Variants in ADAM22 observed in about 807,000 individuals in gnomAD.
ADAM22 encodes disintegrin and metalloproteinase domain-containing protein 22.
A neutral mutation model predicts 144.6 loss-of-function variants in ADAM22; 65 were observed. That is an observed-to-expected ratio of 0.45 (90% CI 0.37 to 0.55). The LOEUF (loss-of-function observed/expected upper bound fraction) is 0.55, where lower values mean the gene tolerates loss of function less well. Ranked by LOEUF, ADAM22 falls within the 20% of genes least tolerant of loss-of-function variation. ADAM22 has a pLI of 0.00. For missense variants in ADAM22, 974 were observed against 1,184.9 expected (o/e 0.82, Z 2.61); for synonymous variants, 391 against 412.6 (o/e 0.95, Z 0.63).
At position 87,985,327 on chromosome 7, in the gene ADAM22, A is replaced by G. The variant is rs192818731; in HGVS notation, c.323+6915A>G. Among the ~76,000 whole-genome samples, 26 of 151,970 alleles carry G rather than the reference A, an allele frequency of 1.7e-4. No homozygotes were observed. In the East Asian group the frequency reaches 4.6e-3, roughly 27 times the overall value. ...GACTCCATCTCAAAAAAAAAAAAAGAATTTATTTTATATTTCATAAAAGTC... is the reference window on the plus strand; with the variant it reads ...GACTCCATCTCAAAAAAAAAAAAAGGATTTATTTTATATTTCATAAAAGTC... On this transcript the variant is annotated intron_variant, in intron 3 of 31. Transcript: ENST00000413139.
In ADAM22 at chr7:88,131,396, A is replaced by G; in HGVS notation, c.953A>G (p.Asp318Gly). The G allele has an allele frequency of 6.2e-7, 1 of 1,613,824 alleles. No homozygotes were observed. The highest frequency in any genetic ancestry group is 8.5e-7 in the Non-Finnish European group (1 of 1,179,820). ...TLREFMKYRRDFIKEKSDAVH... is the reference protein window; with the variant it reads ...TLREFMKYRRGFIKEKSDAVH... Reference sequence around the variant, plus strand: ...CGTGAGTTTATGAAATACAGGAGGGATTTTATCAAAGAGAAAAGTGATGCA... The same window carrying G: ...CGTGAGTTTATGAAATACAGGAGGGGTTTTATCAAAGAGAAAAGTGATGCA... The change falls in exon 11 of 32, where the codon GAT (aspartate) becomes GGT (glycine). Residue 318 changes from aspartate to glycine, a missense_variant. Physicochemically the swap from Asp to Gly is moderately conservative, Grantham distance 94. Coordinates refer to ENST00000413139, the MANE Select transcript of ADAM22 (RefSeq NM_001324418.2).
At chr7:88,127,318 C>G (rs974614438) in intron 8 of ADAM22, among the ~76,000 whole-genome samples, 1 of 151,996 alleles carries the variant, frequency 6.6e-6, no homozygotes, top group Non-Finnish European at 1.5e-5. Flanking sequence ...TCTGAGAAAG[C>G]CATGGACCCA....
At chr7:88,168,614 T>G (rs564752370) in intron 25 of ADAM22, among the ~76,000 whole-genome samples, 1 of 152,324 alleles carries the variant, frequency 6.6e-6, no homozygotes, top group African/African-American at 2.4e-5. Flanking sequence ...AATTTTCTTT[T>G]CATGATTTAT....
At chr7:87,953,143 T>A (rs200491994) in intron 2 of ADAM22, among the ~76,000 whole-genome samples, 1 of 152,086 alleles carries the variant, frequency 6.6e-6, no homozygotes, top group African/African-American at 2.4e-5. Context: ...CTATTTCCTT[T>A]AGTTCTGCTC....
chr7:88,156,474 C>T (rs1055637789), intron 22 of ADAM22, among the ~76,000 whole-genome samples: 2 of 152,028 alleles, frequency 1.3e-5, no homozygotes, highest in African/African-American at 2.4e-5. Context: ...TGGCACATGA[C>T]TTATCAAAGC....
intron 3 of ADAM22, among the ~76,000 whole-genome samples, chr7:87,991,127 A>G (rs1789735226): frequency 6.6e-6 from 1 of 152,090 alleles, no homozygotes; most frequent in South Asian, 2.1e-4. Flanking sequence ...ACATGACCCT[A>G]TTAATCTTTA....
At chr7:87,968,865 G>A (rs1451527881) in intron 2 of ADAM22, among the ~76,000 whole-genome samples, 1 of 152,186 alleles carries the variant, frequency 6.6e-6, no homozygotes, top group Non-Finnish European at 1.5e-5. Flanking sequence ...TGCTTCTGGG[G>A]AGACCTCAGG....
intron 17 of ADAM22, among the ~76,000 whole-genome samples, chr7:88,147,001 T>G (rs2129524192): frequency 6.6e-6 from 1 of 152,382 alleles, no homozygotes; most frequent in South Asian, 2.1e-4. Flanking sequence ...GAATTATTTA[T>G]CTTAATCCTC....
chr7:88,077,719 C>T (rs1243530239), intron 4 of ADAM22, among the ~76,000 whole-genome samples: 1 of 152,204 alleles, frequency 6.6e-6, no homozygotes, highest in Admixed American at 6.5e-5. Context: ...CTCAGAGGGT[C>T]CTACACCCAC....
intron 3 of ADAM22, among the ~76,000 whole-genome samples, chr7:88,071,548 T>C (rs1033686697): frequency 1.3e-5 from 2 of 152,100 alleles, no homozygotes; most frequent in Non-Finnish European, 2.9e-5. Flanking sequence ...TCCCAAACCT[T>C]TGTATAATAC....
At chr7:88,139,651 C>G (rs1390846585) in intron 14 of ADAM22, among the ~76,000 whole-genome samples, 1 of 151,914 alleles carries the variant, frequency 6.6e-6, no homozygotes, top group East Asian at 1.9e-4. Flanking sequence ...ATTATCATAA[C>G]CAAGGAAGAT....
At chr7:88,056,033 A>C (rs1808168655) in intron 3 of ADAM22, among the ~76,000 whole-genome samples, 1 of 152,232 alleles carries the variant, frequency 6.6e-6, no homozygotes, top group African/African-American at 2.4e-5. Flanking sequence ...GATTATTCTC[A>C]GGCATTTTGG....
intron 3 of ADAM22, among the ~76,000 whole-genome samples, chr7:88,032,562 T>C (rs1800549211): frequency 6.6e-6 from 1 of 152,208 alleles, no homozygotes; most frequent in Non-Finnish European, 1.5e-5. Context: ...TTTGAGTTAA[T>C]GCTGGAATGA....
intron 3 of ADAM22, among the ~76,000 whole-genome samples, chr7:88,032,656 G>A (rs746195251): frequency 2.0e-5 from 3 of 152,094 alleles, no homozygotes; most frequent in Non-Finnish European, 4.4e-5. Flanking sequence ...GGGAGGCAGG[G>A]GCAGAACGAT....
intron 7 of ADAM22, 73 bp downstream of exon 7, chr7:88,116,887 C>T (rs1827893779): frequency 8.7e-7 from 1 of 1,148,520 alleles, no homozygotes; most frequent in African/African-American, 1.5e-5. Context: ...TAGAACTAAT[C>T]TATATTTGGA....
chr7:88,059,112 T>C (rs1454031780), intron 3 of ADAM22, among the ~76,000 whole-genome samples: 1 of 152,180 alleles, frequency 6.6e-6, no homozygotes, highest in Admixed American at 6.5e-5. Flanking sequence ...AAGTTTATGC[T>C]GTCCAACCAG....
intron 3 of ADAM22, among the ~76,000 whole-genome samples, chr7:87,980,056 C>T (rs1040423074): frequency 2.6e-5 from 4 of 152,074 alleles, no homozygotes; most frequent in Non-Finnish European, 2.9e-5. Flanking sequence ...TGGAGACATC[C>T]GAGTCCAAAG....
intron 14 of ADAM22, among the ~76,000 whole-genome samples, chr7:88,142,727 A>G (rs1835106733): frequency 6.6e-6 from 1 of 151,812 alleles, no homozygotes; most frequent in African/African-American, 2.4e-5. Flanking sequence ...AGTCCCAGCT[A>G]CTCGGGAGGC....
At chr7:88,108,485 TG>T (rs987718099) in intron 5 of ADAM22, among the ~76,000 whole-genome samples, 2 of 151,894 alleles carry the variant, frequency 1.3e-5, no homozygotes, top group African/African-American at 2.4e-5. Context: ...CCCAGCACTT[TG>T]GGGGGGTCTA....
Sources: allele counts gnomAD v4.1 joint callset (sites outside exome capture counted in the v4.1 genomes callset), GRCh38; gene constraint gnomAD v4.1.1; transcripts MANE v1.5; gene names NCBI Gene and HGNC (gene_info 2026-07-23, HGNC 2026-07-21).